PLD5: variants seen among roughly 807,000 people sequenced by gnomAD.
PLD5 encodes the protein phospholipase D family member 5, also known as inactive phospholipase D5.
A neutral mutation model predicts 61.1 loss-of-function variants in PLD5; 36 were observed. The ratio of observed to expected loss-of-function variants is 0.59; its 90% CI spans 0.45 to 0.78. The LOEUF is 0.78. Among genes scored for constraint, PLD5 ranks in the 30% least tolerant of loss-of-function variants. The pLI is 0.00. For synonymous variants in PLD5, 243 were observed against 242.8 expected (o/e 1.00, Z -0.01); for missense variants, 515 against 644.4 (o/e 0.80, Z 2.17).
At position 242,215,840 on chromosome 1, in the gene PLD5, A is replaced by C. The variant is rs141643654; in HGVS notation, c.735+4148T>G. ...GACACAGACACCATTCACTCCAGATAATTGTTCCTTACTATGTTTTATTAA... is the reference window on the plus strand; with the variant it reads ...GACACAGACACCATTCACTCCAGATCATTGTTCCTTACTATGTTTTATTAA... On this transcript the variant is annotated intron_variant, in intron 5 of 9. Coordinates refer to ENST00000536534, the MANE Select transcript of PLD5 (RefSeq NM_001372062.1). 5.4e-3 allele frequency among the ~76,000 whole-genome samples: 820 copies of C among 152,304 alleles called. 3 individuals are homozygous for C. The highest frequency in any genetic ancestry group is 8.2e-3 in the Non-Finnish European group (558 of 68,022).
At chr1:242,451,417 C>T (rs1666771980) in intron 1 of PLD5, among the ~76,000 whole-genome samples, 1 of 150,984 alleles carries the variant, frequency 6.6e-6, no homozygotes, top group Non-Finnish European at 1.5e-5. Context: ...AGGTATCTTA[C>T]CATCTAGCCA....
chr1:242,377,460 A>T (rs1662029546), intron 1 of PLD5: 3 of 728,376 alleles, frequency 4.1e-6, no homozygotes. Flanking sequence ...GGCATCTGTC[A>T]TTTCTTTAAT....
At chr1:242,411,608 G>T (rs747381322) in intron 1 of PLD5, among the ~76,000 whole-genome samples, 1 of 152,286 alleles carries the variant, frequency 6.6e-6, no homozygotes, top group Middle Eastern at 3.4e-3. Context: ...CATAAATTCT[G>T]TATAATACAT....
chr1:242,110,787 C>T (rs1661420374), intron 7 of PLD5, among the ~76,000 whole-genome samples: 1 of 151,252 alleles, frequency 6.6e-6, no homozygotes, highest in South Asian at 2.1e-4. Context: ...TCAGCCTGGG[C>T]GACAAGAGCA....
chr1:242,171,717 G>GAAAAA (rs59594701), intron 5 of PLD5, among the ~76,000 whole-genome samples: 1 of 144,502 alleles, frequency 6.9e-6, no homozygotes, highest in African/African-American at 2.5e-5. Context: ...CAAATGGAAA[G>GAAAAA]AAAAAAAAAA....
At chr1:242,211,362 G>A (rs1025246486) in intron 5 of PLD5, among the ~76,000 whole-genome samples, 3 of 152,194 alleles carry the variant, frequency 2.0e-5, no homozygotes, top group Admixed American at 1.3e-4. Context: ...ACAAAGGAAT[G>A]TAAAGTATTT....
intron 4 of PLD5, among the ~76,000 whole-genome samples, chr1:242,253,317 T>C (rs1158220479): frequency 1.4e-5 from 2 of 143,656 alleles, no homozygotes; most frequent in Non-Finnish European, 3.0e-5. Flanking sequence ...TTTTTTTTTT[T>C]TTTTTTTTTT....
intron 1 of PLD5, among the ~76,000 whole-genome samples, chr1:242,360,174 C>T (rs1212515760): frequency 6.6e-6 from 1 of 152,082 alleles, no homozygotes; most frequent in Non-Finnish European, 1.5e-5. Flanking sequence ...AGAGATGTTG[C>T]TGCTGCTGAT....
chr1:242,237,660 G>A (rs780912444), intron 4 of PLD5, among the ~76,000 whole-genome samples: 19 of 152,188 alleles, frequency 1.2e-4, no homozygotes, highest in Non-Finnish European at 2.4e-4. Context: ...GCCTGGGCTG[G>A]TGGTAACATT....
At chr1:242,257,838 GTTGT>G (rs1360134540) in intron 4 of PLD5, among the ~76,000 whole-genome samples, 1 of 152,098 alleles carries the variant, frequency 6.6e-6, no homozygotes, top group African/African-American at 2.4e-5. Context: ...AGTGAAACTG[GTTGT>G]TTGTACGGTC....
At chr1:242,377,370 CT>C in intron 1 of PLD5, 1 of 1,546,352 alleles carries the variant, frequency 6.5e-7, no homozygotes, top group Non-Finnish European at 8.9e-7. Flanking sequence ...TCAGGGAGAC[CT>C]GAACTCCAAA....
intron 1 of PLD5, among the ~76,000 whole-genome samples, chr1:242,444,396 C>A (rs1666411412): frequency 6.6e-6 from 1 of 151,820 alleles, no homozygotes; most frequent in Non-Finnish European, 1.5e-5. Flanking sequence ...CATTCTCCTC[C>A]ACATATTTCT....
chr1:242,303,868 A>T (rs911872143), intron 2 of PLD5, among the ~76,000 whole-genome samples: 1 of 152,166 alleles, frequency 6.6e-6, no homozygotes, highest in African/African-American at 2.4e-5. Context: ...ATTATATGTG[A>T]TTTTTCCCTT....
chr1:242,189,088 C>T (rs1480839348), intron 5 of PLD5, among the ~76,000 whole-genome samples: 2 of 152,128 alleles, frequency 1.3e-5, no homozygotes, highest in Non-Finnish European at 2.9e-5. Context: ...GAGAAGGGAG[C>T]ATAACTGGTT....
chr1:242,107,949 A>G (rs547811891), intron 7 of PLD5, 110 bp from the exon 8 acceptor site: 2 of 1,067,464 alleles, frequency 1.9e-6, no homozygotes, highest in South Asian at 1.9e-5. Context: ...TTTATCCTGT[A>G]ATATATATAA....
rs540145775 is a variant in PLD5 at position 242,100,924 on chromosome 1, A to G, written c.1240-142T>C. On this transcript the variant is annotated intron_variant, in intron 8 of 9. Transcript: ENST00000536534. ...AAGCCATAATCTTATTACCTCATAT[A>G]GATGAAGCTATTTTTGTTCTCAAAT... 1.6e-5 allele frequency: 10 copies of G among 608,756 alleles called. No individual in the cohort carries two copies. In the African/African-American group the frequency reaches 1.7e-4, roughly 10 times the overall value. The allele number at this position is 608,756 out of a possible 1,614,324, so 37.7% of individuals were successfully genotyped here.
intron 2 of PLD5, among the ~76,000 whole-genome samples, chr1:242,293,006 G>T (rs1263218375): frequency 2.0e-5 from 3 of 152,076 alleles, no homozygotes; most frequent in African/African-American, 4.8e-5. Flanking sequence ...TAAAAAAGGG[G>T]TAAGAAGCCC....
chr1:242,140,871 G>C (rs1664110531), intron 5 of PLD5, among the ~76,000 whole-genome samples: 1 of 152,128 alleles, frequency 6.6e-6, no homozygotes, highest in South Asian at 2.1e-4. Context: ...TAGTTCCAGA[G>C]GGAGCCTCCA....
intron 5 of PLD5, among the ~76,000 whole-genome samples, chr1:242,163,621 G>T (rs1666064745): frequency 6.6e-6 from 1 of 152,186 alleles, no homozygotes; most frequent in Non-Finnish European, 1.5e-5. Context: ...ATAGGACAAT[G>T]ATGTCACTGC....
Sources: allele counts gnomAD v4.1 joint callset (sites outside exome capture counted in the v4.1 genomes callset), GRCh38; gene constraint gnomAD v4.1.1; transcripts MANE v1.5; gene names NCBI Gene and HGNC (gene_info 2026-07-23, HGNC 2026-07-21).